The following LRP1B variants were observed in gnomAD, a reference collection of about 807,000 sequenced individuals.
LRP1B encodes LDL receptor related protein 1B.
Under a neutral mutation model 556.6 loss-of-function variants are expected in LRP1B, and 217 were observed. The observed-to-expected ratio is 0.39, with a 90% confidence interval of 0.35 to 0.44. LRP1B has a LOEUF of 0.44. Among genes scored for constraint, LRP1B ranks in the 20% least tolerant of loss-of-function variants. LRP1B has a pLI of 1.00. For synonymous variants in LRP1B, 2,047 were observed against 1,865.8 expected, an observed-to-expected ratio of 1.10 and a Z score of -2.50; for missense variants, 5,053 against 5,620.8, an observed-to-expected ratio of 0.90 and a Z score of 3.23.
At chr2:140,757,425 T>A (rs1688775507) in intron 35 of LRP1B, among the ~76,000 whole-genome samples, 2 of 152,178 alleles carry the variant, frequency 1.3e-5, no homozygotes, top group African/African-American at 4.8e-5. Context: ...TGTCTAAATG[T>A]CTTATAGCAA....
chr2:141,746,741 G>T (rs1693928276), intron 2 of LRP1B, among the ~76,000 whole-genome samples: 1 of 151,864 alleles, frequency 6.6e-6, no homozygotes, highest in South Asian at 2.1e-4. Flanking sequence ...CCCCCATTTT[G>T]AATTATAACT....
rs528935704 is a variant in LRP1B at position 140,853,487 on chromosome 2, G to C, written c.4580-1704C>G. On this transcript the variant is annotated intron_variant, in intron 27 of 90. Coordinates refer to ENST00000389484, the MANE Select transcript of LRP1B (RefSeq NM_018557.3). The stretch of plus-strand genomic sequence containing the variant: ...ATGAACCTGAGATGGGTAGAGAAAA[G>C]GTATTTCCTCCCTCTTACAGAAGTA... 4.6e-5 allele frequency among the ~76,000 whole-genome samples: 7 copies of C among 152,132 alleles called. No homozygotes were observed. In the South Asian group the frequency reaches 1.5e-3, roughly 32 times the overall value.
chr2:140,357,555 A>G (rs1399135031), intron 74 of LRP1B, among the ~76,000 whole-genome samples: 1 of 151,744 alleles, frequency 6.6e-6, no homozygotes, highest in Non-Finnish European at 1.5e-5. Flanking sequence ...TAACTAAAAA[A>G]AAAAATCACA....
intron 41 of LRP1B, among the ~76,000 whole-genome samples, chr2:140,671,520 C>T (rs188769165): frequency 0.014 from 2,013 of 148,686 alleles, 40 homozygotes; most frequent in Admixed American, 0.046. Context: ...GACTCCATCT[C>T]AAACAAACAA....
chr2:141,671,339 T>C (rs78827048), intron 2 of LRP1B, among the ~76,000 whole-genome samples: 3,703 of 152,214 alleles, frequency 0.024, 156 homozygotes, highest in African/African-American at 0.085. Context: ...GAATGTTTAA[T>C]TGAGGAAGTT....
At chr2:140,246,126 T>A (rs932060082) in intron 87 of LRP1B, among the ~76,000 whole-genome samples, 4 of 151,280 alleles carry the variant, frequency 2.6e-5, no homozygotes, top group Non-Finnish European at 4.4e-5. Context: ...GAAGCCTGCT[T>A]CTAGGGTACA....
intron 1 of LRP1B, among the ~76,000 whole-genome samples, chr2:141,989,544 T>TGTTTGGTATG (rs545444362): frequency 6.6e-6 from 1 of 152,124 alleles, no homozygotes; most frequent in East Asian, 1.9e-4. Context: ...GGTTTGGCAC[T>TGTTTGGTATG]GTTTGGTATG....
chr2:140,991,985 T>G (rs1422902297), intron 16 of LRP1B, among the ~76,000 whole-genome samples: 1 of 152,124 alleles, frequency 6.6e-6, no homozygotes, highest in East Asian at 1.9e-4. Context: ...GTGCAGTTAT[T>G]GAAATTAAAA....
chr2:141,948,988 C>T (rs999487697), intron 1 of LRP1B, among the ~76,000 whole-genome samples: 4 of 151,978 alleles, frequency 2.6e-5, no homozygotes, highest in Admixed American at 2.6e-4. Context: ...TTAATTATGT[C>T]AAAAGTAATA....
At chr2:141,238,112 C>A (rs931082196) in intron 5 of LRP1B, among the ~76,000 whole-genome samples, 2 of 152,162 alleles carry the variant, frequency 1.3e-5, no homozygotes, top group African/African-American at 4.8e-5. Context: ...GAATATAATT[C>A]ATTCAAATTT....
At chr2:141,652,205 C>T (rs2028129) in intron 2 of LRP1B, among the ~76,000 whole-genome samples, 90,501 of 151,992 alleles carry the variant, frequency 0.6, 27,182 homozygotes, top group African/African-American at 0.67. Flanking sequence ...TTTTCTTTTA[C>T]GCTTTCTCAT....
intron 2 of LRP1B, among the ~76,000 whole-genome samples, chr2:141,664,658 G>A (rs574516699): frequency 1.6e-4 from 24 of 152,140 alleles, no homozygotes; most frequent in African/African-American, 5.5e-4. Context: ...AGGAAGCGAA[G>A]GACTTCTTCA....
chr2:141,716,440 T>C (rs1692589982), intron 2 of LRP1B, among the ~76,000 whole-genome samples: 1 of 152,168 alleles, frequency 6.6e-6, no homozygotes, highest in Non-Finnish European at 1.5e-5. Flanking sequence ...TATATTTTTT[T>C]CAGAGGAATG....
chr2:142,097,983 A>G (rs1706434666), intron 1 of LRP1B, among the ~76,000 whole-genome samples: 1 of 151,736 alleles, frequency 6.6e-6, no homozygotes, highest in Non-Finnish European at 1.5e-5. Context: ...ATGAAGCATC[A>G]AAGTCTAATA....
chr2:140,492,701 CCAACA>C lies in LRP1B; in HGVS notation c.9035-13_9035-9del, dbSNP rs755726623. ...TTAAAAAAGGTTCTTCATCTAAACA[CCAACA>C]CAAATAACATATTAGACTTTAAGTA... is the stretch of plus-strand genomic sequence containing the variant. On this transcript the variant is annotated splice_polypyrimidine_tract_variant and intron_variant, in intron 56 of 90. Coordinates refer to ENST00000389484, the MANE Select transcript of LRP1B (RefSeq NM_018557.3). The C allele has an allele frequency of 6.3e-7, 1 of 1,581,190 alleles. No homozygotes were observed. The highest frequency in any genetic ancestry group is 1.7e-5 in the Admixed American group (1 of 59,906).
At chr2:141,003,992 G>T (rs990272420) in intron 15 of LRP1B, among the ~76,000 whole-genome samples, 2 of 151,878 alleles carry the variant, frequency 1.3e-5, no homozygotes, top group African/African-American at 4.8e-5. Flanking sequence ...TCTGTTTAAG[G>T]TATTTTCTCA....
chr2:140,505,545 C>T (rs914148604), intron 53 of LRP1B, among the ~76,000 whole-genome samples: 2 of 152,054 alleles, frequency 1.3e-5, no homozygotes, highest in African/African-American at 4.8e-5. Flanking sequence ...GTGACTTTTC[C>T]AAGTGGGGCC....
At chr2:140,919,954 A>T (rs1694688263) in intron 21 of LRP1B, among the ~76,000 whole-genome samples, 1 of 152,112 alleles carries the variant, frequency 6.6e-6, no homozygotes, top group African/African-American at 2.4e-5. Flanking sequence ...ATTAAAAATA[A>T]AATGACTCAT....
chr2:141,043,829 T>A (rs984714600), intron 11 of LRP1B, among the ~76,000 whole-genome samples: 2 of 151,982 alleles, frequency 1.3e-5, no homozygotes, highest in African/African-American at 4.8e-5. Flanking sequence ...GAAAGGATAT[T>A]CAAGAAGATA....
Sources: gnomAD v4.1 joint callset for allele counts (sites outside exome capture counted in the v4.1 genomes callset) on GRCh38, gnomAD v4.1.1 for gene constraint, MANE v1.5 for transcripts, NCBI Gene and HGNC (gene_info 2026-07-23, HGNC 2026-07-21) for gene names.